The following TMEM131 variants were observed in gnomAD, a reference collection of about 807,000 sequenced individuals.
TMEM131 encodes transmembrane protein 131.
A neutral mutation model predicts 211.6 loss-of-function variants in TMEM131; 66 were observed. That is an observed-to-expected ratio of 0.31 (90% confidence interval 0.26 to 0.38). TMEM131 has a LOEUF of 0.38. Ranked by LOEUF, TMEM131 falls within the 10% of genes least tolerant of loss-of-function variation. The pLI is 1.00. For missense variants in TMEM131, 2,036 were observed against 2,299.3 expected (o/e 0.89, Z 2.34); for synonymous variants, 844 against 841.3 (o/e 1.00, Z -0.06).
At chr2:97,886,911 A>T (rs1675184551) in intron 4 of TMEM131, among the ~76,000 whole-genome samples, 1 of 152,226 alleles carries the variant, frequency 6.6e-6, no homozygotes, top group African/African-American at 2.4e-5. Flanking sequence ...CTTTTTGGAG[A>T]ATCTGAGAAG....
chr2:97,777,527 C>T (rs937802130), intron 31 of TMEM131, among the ~76,000 whole-genome samples: 4 of 152,238 alleles, frequency 2.6e-5, no homozygotes, highest in African/African-American at 4.8e-5. Context: ...CAGAGATAGT[C>T]TGTGGCCCAT....
intron 4 of TMEM131, among the ~76,000 whole-genome samples, chr2:97,860,345 T>C (rs1371540405): frequency 3.3e-5 from 5 of 152,186 alleles, no homozygotes; most frequent in Admixed American, 2.0e-4. Context: ...GTGTTTTTTT[T>C]CCCTATCCTC....
At chr2:97,814,686 A>C (rs1681733061) in intron 13 of TMEM131, among the ~76,000 whole-genome samples, 1 of 152,194 alleles carries the variant, frequency 6.6e-6, no homozygotes, top group Non-Finnish European at 1.5e-5. Context: ...CTTATCACTG[A>C]ATTACAAGGA....
At chr2:97,970,688 G>A (rs1216940213) in intron 1 of TMEM131, among the ~76,000 whole-genome samples, 2 of 152,188 alleles carry the variant, frequency 1.3e-5, no homozygotes, top group African/African-American at 4.8e-5. Flanking sequence ...TCCCAGGATT[G>A]TGGCCAGAGA....
chr2:97,774,155 G>A lies in TMEM131; in HGVS notation c.4320+1688C>T, dbSNP rs544322380. The stretch of plus-strand genomic sequence containing the variant: ...AAAACATCTCCCTGGCTCACATATC[G>A]TTTGAAACTACTTTGAGTTATTCAT... On this transcript the variant is annotated intron_variant, in intron 32 of 40. Transcript: ENST00000186436. Among the ~76,000 whole-genome samples, 10 of 152,318 alleles carry A rather than the reference G, an allele frequency of 6.6e-5. No homozygotes were observed. The South Asian group carries it at 1.0e-3, about 16-fold the overall frequency.
chr2:97,883,846 T>C (rs1675032689), intron 4 of TMEM131, among the ~76,000 whole-genome samples: 1 of 152,186 alleles, frequency 6.6e-6, no homozygotes, highest in Admixed American at 6.5e-5. Flanking sequence ...ATTGAGATAA[T>C]ATGGTTAGAT....
chr2:97,917,941 T>A (rs6746457), intron 2 of TMEM131, among the ~76,000 whole-genome samples: 3,720 of 151,504 alleles, frequency 0.025, 160 homozygotes, highest in African/African-American at 0.086. Flanking sequence ...ATTGGTTTTT[T>A]TCTCTCTTTT....
intron 2 of TMEM131, among the ~76,000 whole-genome samples, chr2:97,922,312 A>G (rs555497980): frequency 4.0e-4 from 61 of 152,318 alleles, no homozygotes; most frequent in African/African-American, 1.4e-3. Context: ...AACAGGCCAC[A>G]GACCGGTACT....
At chr2:97,933,825 A>G (rs139527892) in intron 1 of TMEM131, among the ~76,000 whole-genome samples, 16 of 152,302 alleles carry the variant, frequency 1.1e-4, no homozygotes, top group Admixed American at 2.0e-4. Flanking sequence ...TGACACAGAA[A>G]AAGTATTTGA....
At chr2:97,879,553 A>G (rs574597475) in intron 4 of TMEM131, among the ~76,000 whole-genome samples, 5 of 152,170 alleles carry the variant, frequency 3.3e-5, no homozygotes, top group African/African-American at 4.8e-5. Flanking sequence ...GTCCTTATAC[A>G]GTTGACTCTT....
intron 40 of TMEM131, among the ~76,000 whole-genome samples, chr2:97,758,329 A>G (rs1322287462): frequency 6.6e-6 from 1 of 152,230 alleles, no homozygotes; most frequent in East Asian, 1.9e-4. Context: ...TTCTGTCATA[A>G]TTTTGTGGAA....
In TMEM131 at chr2:97,789,020, A is replaced by C. The variant is rs540898319; in HGVS notation, c.4144+3366T>G. Among the ~76,000 whole-genome samples, 28 of 152,384 alleles carry C rather than the reference A, an allele frequency of 1.8e-4. 1 individual carries two copies. In the South Asian group the frequency reaches 5.8e-3, roughly 32 times the overall value. ...TACAGGTTAAAGAGTAAAAGCTCCC[A>C]AAACACTCACTAGTTAGTGGCCACT... On this transcript the variant is annotated intron_variant, in intron 31 of 40. Coordinates refer to ENST00000186436, the MANE Select transcript of TMEM131 (RefSeq NM_015348.2).
intron 1 of TMEM131, among the ~76,000 whole-genome samples, chr2:97,952,140 G>A (rs1367466753): frequency 1.3e-5 from 2 of 150,330 alleles, no homozygotes; most frequent in Admixed American, 6.6e-5. Context: ...CTGGGTGACA[G>A]AGCGAGACTC....
At position 97,801,819 on chromosome 2, in the gene TMEM131, A is replaced by G. The variant is rs1681048411; in HGVS notation, c.2718+76T>C. On this transcript the variant is annotated intron_variant, in intron 25 of 40. Coordinates refer to ENST00000186436, the MANE Select transcript of TMEM131 (RefSeq NM_015348.2). The stretch of plus-strand genomic sequence containing the variant: ...CTTCAGCCAAATTTAAGAGTAGCCA[A>G]TAATTTTCTTTCATATTTATATTGA... The G allele has an allele frequency of 5.4e-6, 6 of 1,113,458 alleles. No individual in the cohort carries two copies. The East Asian group carries it at 1.1e-4, about 21-fold the overall frequency. The allele number at this position is 1,113,458 out of a possible 1,614,324, so 69.0% of individuals were successfully genotyped here. A position where few individuals can be genotyped will look rare whatever the true frequency, so the allele number is the denominator to read the frequency against.
chr2:97,864,850 CT>C (rs1324678108), intron 4 of TMEM131, among the ~76,000 whole-genome samples: 1 of 152,174 alleles, frequency 6.6e-6, no homozygotes, highest in East Asian at 1.9e-4. Flanking sequence ...CCCTGTCTGC[CT>C]TGAGATAGAG....
At chr2:97,874,229 A>G (rs1674602424) in intron 4 of TMEM131, among the ~76,000 whole-genome samples, 1 of 152,252 alleles carries the variant, frequency 6.6e-6, no homozygotes, top group African/African-American at 2.4e-5. Context: ...CTATGTGAAA[A>G]GACCAAATCT....
Position 97,927,437 on chromosome 2 carries a change from C to G in TMEM131, c.238G>C (p.Gly80Arg). 1 of 1,589,264 alleles carries G rather than the reference C, an allele frequency of 6.3e-7. No individual in the cohort carries two copies. The change falls in exon 2 of 41, where the codon GGG becomes CGG. Residue 80 changes from glycine to arginine, a missense_variant. By Grantham distance (125) the Gly-to-Arg change is moderately radical (BLOSUM62 -2). Around this residue, in one of 3 missense-constraint regions of TMEM131, gnomAD observed 277 missense variants for 378.0 expected, o/e 0.73. Transcript: ENST00000186436. ...IIEVLRFDDG[G>R]LLQTETTLGL... ...TAAAAAAAAATTACCTGTAGTAGCC[C>G]TCCATCATCAAAACGCAGTACTTCT...
At position 97,797,486 on chromosome 2, in the gene TMEM131, T is replaced by C; in HGVS notation, c.2749A>G (p.Met917Val). ...ATTAAATGTCGAGAGAGGCCCTCCA[T>C]AAATCCTGTTGAACTCTGCAGTGGA... is the stretch of plus-strand genomic sequence containing the variant. ...AHPLQSSTGF[M>V]EGLSRHLILN... Residue 917 changes from methionine to valine, a missense_variant, in exon 26 of 41, where the codon ATG (methionine) becomes GTG (valine). Coordinates refer to ENST00000186436, the MANE Select transcript of TMEM131 (RefSeq NM_015348.2). 1 of 1,613,588 alleles carries C rather than the reference T, an allele frequency of 6.2e-7. No individual in the cohort carries two copies. Among genetic ancestry groups the C allele is most frequent in the Non-Finnish European group, 8.5e-7 (1 of 1,179,668 alleles).
chr2:97,769,008 G>A (rs1679336136), intron 33 of TMEM131, among the ~76,000 whole-genome samples: 2 of 150,438 alleles, frequency 1.3e-5, no homozygotes, highest in Admixed American at 1.4e-4. Flanking sequence ...GAGTGCAGTG[G>A]TGCAATCACG....
Sources: allele counts gnomAD v4.1 joint callset (sites outside exome capture counted in the v4.1 genomes callset), GRCh38; gene constraint gnomAD v4.1.1; regional missense constraint gnomAD v4.1.1; transcripts MANE v1.5; gene names NCBI Gene and HGNC (gene_info 2026-07-23, HGNC 2026-07-21).